KIF5C: variants seen among roughly 807,000 people sequenced by gnomAD.
KIF5C encodes the protein kinesin heavy chain isoform 5C.
A neutral mutation model predicts 125.2 loss-of-function variants in KIF5C; 18 were observed. That is an observed-to-expected ratio of 0.14 (90% CI 0.10 to 0.21). KIF5C has a LOEUF of 0.21. Among genes scored for constraint, KIF5C ranks in the 10% least tolerant of loss-of-function variants. KIF5C has a pLI of 1.00. For missense variants in KIF5C, 780 were observed against 1,183.8 expected (o/e 0.66, Z 5.01); for synonymous variants, 405 against 434.0 (o/e 0.93, Z 0.83).
chr2:148,941,760 A>G (rs1404372194), intron 5 of KIF5C, 102 bp downstream of exon 5: 53 of 1,488,602 alleles, frequency 3.6e-5, no homozygotes, highest in South Asian at 6.5e-5. Flanking sequence ...ATGAAAATTT[A>G]TAGAGATACT....
At chr2:148,947,986 C>T (rs964026059) in intron 8 of KIF5C, 5 of 456,494 alleles carry the variant, frequency 1.1e-5, no homozygotes, top group African/African-American at 1.0e-4. Context: ...TTGGATTGTC[C>T]TCTAGTATGC....
At chr2:148,946,787 T>A (rs902634056) in intron 7 of KIF5C, 112 bp from the exon 8 acceptor site, 1 of 1,471,054 alleles carries the variant, frequency 6.8e-7, no homozygotes, top group African/African-American at 1.4e-5. Flanking sequence ...TGACTGGACT[T>A]ACTTCAATGA....
At chr2:148,950,628 G>A (rs912162652) in intron 10 of KIF5C, among the ~76,000 whole-genome samples, 166 bp downstream of exon 10, 3 of 152,152 alleles carry the variant, frequency 2.0e-5, no homozygotes, top group African/African-American at 7.2e-5. Context: ...GGCCCACATG[G>A]TGAAACCCTG....
intron 21 of KIF5C, among the ~76,000 whole-genome samples, chr2:149,001,105 G>A (rs1681840138): frequency 6.6e-6 from 1 of 152,176 alleles, no homozygotes; most frequent in Admixed American, 6.5e-5. Context: ...ATCTCCTAAC[G>A]GCTGGCATTC....
Position 148,983,778 on chromosome 2 carries a change from C to T in KIF5C, c.1716+12C>T. The T allele has an allele frequency of 6.3e-7, 1 of 1,590,136 alleles. No homozygotes were observed. Among genetic ancestry groups the T allele is most frequent in the East Asian group, 2.2e-5 (1 of 44,640 alleles). ...ATGATGTGAAAACTGTAAGCCAGCC[C>T]TTCTTTTATCCTCTCTACCTGCTCC... On this transcript the variant is annotated intron_variant, in intron 15 of 25. Coordinates refer to ENST00000435030, the MANE Select transcript of KIF5C (RefSeq NM_004522.3).
At chr2:148,990,468 G>A (rs1681495374) in intron 15 of KIF5C, among the ~76,000 whole-genome samples, 1 of 152,232 alleles carries the variant, frequency 6.6e-6, no homozygotes, top group South Asian at 2.1e-4. Flanking sequence ...TTATTTATTC[G>A]ATTTTCTGTT....
At chr2:148,961,159 C>T (rs1173531308) in intron 10 of KIF5C, among the ~76,000 whole-genome samples, 2 of 152,302 alleles carry the variant, frequency 1.3e-5, no homozygotes, top group South Asian at 2.1e-4. Flanking sequence ...GTTTGTTTGT[C>T]CCACACATTG....
chr2:149,013,979 G>A (rs777700953), intron 25 of KIF5C, among the ~76,000 whole-genome samples: 11 of 151,984 alleles, frequency 7.2e-5, no homozygotes, highest in Non-Finnish European at 1.5e-4. Flanking sequence ...GTCCAGGTTT[G>A]TCACATAAGT....
intron 10 of KIF5C, among the ~76,000 whole-genome samples, chr2:148,950,817 A>T (rs1234893323): frequency 2.0e-5 from 3 of 152,166 alleles, no homozygotes; most frequent in Non-Finnish European, 4.4e-5. Flanking sequence ...AAAAAAAAAA[A>T]AAAAGAATAG....
At position 148,994,758 on chromosome 2, in the gene KIF5C, G is replaced by A. The variant is rs200466596; in HGVS notation, c.2023+220G>A. Among the ~76,000 whole-genome samples, 4 of 151,314 alleles carry A rather than the reference G, an allele frequency of 2.6e-5. No individual in the cohort carries two copies. The East Asian group carries it at 5.9e-4, about 22-fold the overall frequency. ...CGCTCTGTTGCCCAGGCTGAAGTGC[G>A]GTGGCATAATCTCAGTTCACTGCAA... On this transcript the variant is annotated intron_variant, in intron 17 of 25. Transcript: ENST00000435030.
At chr2:148,903,210 T>A (rs1019097125) in intron 1 of KIF5C, among the ~76,000 whole-genome samples, 1 of 152,214 alleles carries the variant, frequency 6.6e-6, no homozygotes, top group Admixed American at 6.5e-5. Context: ...GTATGCTCCA[T>A]AAATAATGCT....
At chr2:148,877,436 G>T (rs577137079) in intron 1 of KIF5C, 1 of 152,368 alleles carries the variant, frequency 6.6e-6, no homozygotes, top group Admixed American at 6.5e-5. Context: ...AGGAAATTCT[G>T]CAGTTAATGG....
chr2:148,953,612 T>C (rs993938598), intron 10 of KIF5C, among the ~76,000 whole-genome samples: 22 of 152,230 alleles, frequency 1.4e-4, no homozygotes, highest in Admixed American at 1.2e-3. Context: ...GTGTTCATTA[T>C]ATTCTTACTG....
chr2:148,985,452 C>A (rs1027977944), intron 15 of KIF5C, among the ~76,000 whole-genome samples: 6 of 152,156 alleles, frequency 3.9e-5, no homozygotes, highest in African/African-American at 1.2e-4. Context: ...TATGTGGGGG[C>A]AGTTTCTGGT....
chr2:148,890,115 G>T (rs1681663623), intron 1 of KIF5C, among the ~76,000 whole-genome samples: 1 of 152,080 alleles, frequency 6.6e-6, no homozygotes, highest in South Asian at 2.1e-4. Flanking sequence ...AAACTAACTG[G>T]TTTGTGAAAA....
chr2:149,006,609 T>G (rs577366569), intron 22 of KIF5C, among the ~76,000 whole-genome samples: 34 of 152,324 alleles, frequency 2.2e-4, no homozygotes, highest in Admixed American at 1.3e-3. Context: ...GTTAGAAGCA[T>G]GGGCTTGGCG....
rs11285747 is a variant in KIF5C at position 148,887,364 on chromosome 2, A to AT, written c.126+11632dup. On this transcript the variant is annotated intron_variant, in intron 1 of 25. Coordinates refer to ENST00000435030, the MANE Select transcript of KIF5C (RefSeq NM_004522.3). ...TCTAACATTTAGATGTGATATTCTG[A>AT]TTTTTTTTTTTGCCTTTATTTCAGT... Among the ~76,000 whole-genome samples the AT allele has an allele frequency of 9.1e-3, 1,343 of 146,902 alleles. 8 individuals are homozygous for AT. Among genetic ancestry groups the AT allele is most frequent in the Non-Finnish European group, 0.016 (1,028 of 66,296 alleles).
At chr2:148,999,929 C>T (rs1681800942) in intron 19 of KIF5C, 1 of 152,342 alleles carries the variant, frequency 6.6e-6, no homozygotes, top group Admixed American at 6.5e-5. Flanking sequence ...GTCTTTTCTT[C>T]ATAATTCTCT....
At position 148,896,692 on chromosome 2, in the gene KIF5C, C is replaced by A. The variant is rs141967437; in HGVS notation, c.126+20949C>A. 4.6e-5 allele frequency among the ~76,000 whole-genome samples: 7 copies of A among 152,294 alleles called. No homozygotes were observed. The East Asian group carries it at 1.3e-3, about 29-fold the overall frequency. On this transcript the variant is annotated intron_variant, in intron 1 of 25. Transcript: ENST00000435030. ...AGAAACCTAAGAAGTTAAAAATTAG[C>A]CATTTGGAACTGAGTTTTTGGTAAC...
Sources: allele counts gnomAD v4.1 joint callset (sites outside exome capture counted in the v4.1 genomes callset), GRCh38; gene constraint gnomAD v4.1.1; transcripts MANE v1.5; gene names NCBI Gene and HGNC (gene_info 2026-07-23, HGNC 2026-07-21).